The following GC variants were observed in gnomAD, a reference collection of about 807,000 sequenced individuals.
GC encodes vitamin D-binding protein.
Under a neutral mutation model 56.7 loss-of-function variants are expected in GC, and 43 were observed. That is an observed-to-expected ratio of 0.76 (90% CI 0.59 to 0.98). The LOEUF is 0.98. GC is among the 50% of genes least tolerant of loss of function. The probability of loss-of-function intolerance (pLI) is 0.00; values close to 1 mark genes in which losing one functional copy is unlikely to be tolerated. For missense variants in GC, 529 were observed against 545.9 expected, an observed-to-expected ratio of 0.97 and a Z score of 0.31; for synonymous variants, 216 against 202.7, an observed-to-expected ratio of 1.07 and a Z score of -0.56.
chr4:71,793,271 T>C (rs911624644), intron 1 of GC, among the ~76,000 whole-genome samples: 1 of 152,210 alleles, frequency 6.6e-6, no homozygotes, highest in Non-Finnish European at 1.5e-5. Flanking sequence ...ATTTTCACAA[T>C]ATTGATTCTT....
At chr4:71,752,921 G>T (rs1197871000) in intron 10 of GC, among the ~76,000 whole-genome samples, 1 of 152,144 alleles carries the variant, frequency 6.6e-6, no homozygotes, top group Admixed American at 6.5e-5. Flanking sequence ...TTTCAAAATG[G>T]AAGAGTACCT....
intron 1 of GC, among the ~76,000 whole-genome samples, chr4:71,791,417 T>A (rs1420369906): frequency 6.6e-6 from 1 of 152,094 alleles, no homozygotes; most frequent in Non-Finnish European, 1.5e-5. Context: ...TGTTTTTCAG[T>A]GATTATCCTC....
chr4:71,758,877 T>C (rs1741872955), intron 6 of GC, among the ~76,000 whole-genome samples: 1 of 152,190 alleles, frequency 6.6e-6, no homozygotes, highest in Admixed American at 6.5e-5. Context: ...TAGAAATTTT[T>C]CTCATGCAAA....
At chr4:71,768,803 T>C (rs963599117) in intron 2 of GC, among the ~76,000 whole-genome samples, 5 of 152,330 alleles carry the variant, frequency 3.3e-5, no homozygotes, top group African/African-American at 1.2e-4. Flanking sequence ...CACATTAAAA[T>C]ATGAAACCTG....
chr4:71,769,350 T>C lies in GC; in HGVS notation c.109A>G (p.Lys37Glu). 6.2e-7 allele frequency: 1 copy of C among 1,612,322 alleles called. No individual in the cohort carries two copies. Among genetic ancestry groups the C allele is most frequent in the Non-Finnish European group, 8.5e-7 (1 of 1,178,500 alleles). The change falls in exon 2 of 13, where the codon AAG (lysine) becomes GAG (glutamate). Residue 37 changes from lysine to glutamate, a missense_variant. Transcript: ENST00000273951. ...KVCKEFSHLG[K>E]EDFTSLSLVL... ...ACTTACAGAGATGTGAAGTCCTCCTTTCCCAGATGGGAGAATTCCTTGCAG... is the reference window on the plus strand; with the variant it reads ...ACTTACAGAGATGTGAAGTCCTCCTCTCCCAGATGGGAGAATTCCTTGCAG...
At chr4:71,803,718 A>G (rs1306745182) in intron 1 of GC, among the ~76,000 whole-genome samples, 2 of 152,238 alleles carry the variant, frequency 1.3e-5, no homozygotes, top group Admixed American at 1.3e-4. Flanking sequence ...ATGGATATAG[A>G]TGAGAGCTAA....
At chr4:71,799,199 A>G (rs144267697) in intron 1 of GC, among the ~76,000 whole-genome samples, 2 of 152,322 alleles carry the variant, frequency 1.3e-5, no homozygotes, top group Non-Finnish European at 2.9e-5. Context: ...CATTTACTCA[A>G]GAAAATCTAC....
Position 71,758,177 on chromosome 4 carries a change from C to T in GC, c.702-6G>A. On this transcript the variant is annotated splice_region_variant and splice_polypyrimidine_tract_variant and intron_variant, in intron 6 of 12. Coordinates refer to ENST00000273951, the MANE Select transcript of GC (RefSeq NM_000583.4). The stretch of plus-strand genomic sequence containing the variant: ...GGGCTAACTTTATGAGATTGCTAAA[C>T]AGTTAAAAATAAATATGTTAGCTTA... 6.2e-7 allele frequency: 1 copy of T among 1,610,342 alleles called. No individual in the cohort carries two copies. Among genetic ancestry groups the T allele is most frequent in the South Asian group, 1.1e-5 (1 of 90,604 alleles).
chr4:71,756,789 T>C lies in GC; in HGVS notation c.957A>G (p.Gln319=), dbSNP rs1741787908. Residue 319 remains glutamine (Q), a synonymous_variant, in exon 8 of 13, where the codon CAA becomes CAG. Transcript: ENST00000273951. ...ACTCTACATCTGGAAGCTCGGGGAG[T>C]TGGGCAGCTGGCATGAAGTAAGTGC... ...FVCTYFMPAA[Q]LPELPDVELP... 6.2e-7 allele frequency: 1 copy of C among 1,613,876 alleles called. No individual in the cohort carries two copies. Among genetic ancestry groups the C allele is most frequent in the East Asian group, 2.2e-5 (1 of 44,866 alleles).
In GC at chr4:71,768,330, C is replaced by T. The variant is rs1742228840; in HGVS notation, c.232G>A (p.Gly78Arg). The change falls in exon 3 of 13, where the codon GGG becomes AGG. Residue 78 changes from glycine to arginine, a missense_variant. By Grantham distance (125) the Gly-to-Arg change is moderately radical. Coordinates refer to ENST00000273951, the MANE Select transcript of GC (RefSeq NM_000583.4). The part of the protein sequence containing the change: ...VSLTEACCAE[G>R]ADPDCYDTRT... ...GTGTCATAGCAGTCAGGGTCAGCCCCTTCCGCACAGCAGGCTTCGGTCAAG... is the reference window on the plus strand; with the variant it reads ...GTGTCATAGCAGTCAGGGTCAGCCCTTTCCGCACAGCAGGCTTCGGTCAAG... The T allele has an allele frequency of 6.2e-7, 1 of 1,613,160 alleles. No individual in the cohort carries two copies. The highest frequency in any genetic ancestry group is 8.5e-7 in the Non-Finnish European group (1 of 1,179,614).
chr4:71,765,550 G>C lies in GC; in HGVS notation c.355C>G (p.Arg119Gly). Residue 119 changes from arginine (R) to glycine (G), a missense_variant, in exon 4 of 13, where the codon CGA becomes GGA. Coordinates refer to ENST00000273951, the MANE Select transcript of GC (RefSeq NM_000583.4). ...AECCTKEGLE[R>G]KLCMAALKHQ... ...TTCAGAGCAGCCATGCAGAGCTTTC[G>C]TTCCAGGCCCTCTTTGGTGCAGCAC... 1 of 1,613,588 alleles carries C rather than the reference G, an allele frequency of 6.2e-7. No homozygotes were observed. Among genetic ancestry groups the C allele is most frequent in the Non-Finnish European group, 8.5e-7 (1 of 1,179,656 alleles).
intron 1 of GC, among the ~76,000 whole-genome samples, chr4:71,791,720 G>A (rs1302427319): frequency 6.6e-6 from 1 of 151,708 alleles, no homozygotes; most frequent in Non-Finnish European, 1.5e-5. Context: ...ACAATGTGCA[G>A]GTTTGTTACA....
At chr4:71,781,246 G>A (rs1742669247) in intron 1 of GC, among the ~76,000 whole-genome samples, 1 of 151,904 alleles carries the variant, frequency 6.6e-6, no homozygotes, top group Non-Finnish European at 1.5e-5. Flanking sequence ...GGGGTGGGGA[G>A]CAGGGGGAGG....
chr4:71,784,576 A>G (rs1742787243), upstream of GC, among the ~76,000 whole-genome samples: 1 of 151,804 alleles, frequency 6.6e-6, no homozygotes, highest in South Asian at 2.1e-4. Context: ...ATTCAACATA[A>G]TATTTTAAAT....
intron 1 of GC, among the ~76,000 whole-genome samples, chr4:71,799,959 A>G (rs949068041): frequency 2.6e-5 from 4 of 152,202 alleles, no homozygotes; most frequent in Admixed American, 2.6e-4. Context: ...AAGGAGGCCA[A>G]ATTTGATGAT....
At chr4:71,747,711 C>T (rs1481362988) in intron 11 of GC, among the ~76,000 whole-genome samples, 2 of 151,970 alleles carry the variant, frequency 1.3e-5, no homozygotes, top group African/African-American at 2.4e-5. Context: ...TTGCAAGAAT[C>T]TTGGCTGTAA....
At chr4:71,757,601 A>G (rs1176063633) in intron 7 of GC, among the ~76,000 whole-genome samples, 3 of 46,120 alleles carry the variant, frequency 6.5e-5, no homozygotes, top group Non-Finnish European at 3.2e-4. Flanking sequence ...TTTACGCAAT[A>G]ATGAAAATGA....
chr4:71,770,319 C>A (rs943149485), intron 1 of GC, among the ~76,000 whole-genome samples: 2 of 152,132 alleles, frequency 1.3e-5, no homozygotes, highest in African/African-American at 4.8e-5. Flanking sequence ...CCAGTCCCAG[C>A]TCTACCCCCA....
chr4:71,790,871 T>C (rs1378213756), intron 1 of GC, among the ~76,000 whole-genome samples: 1 of 151,932 alleles, frequency 6.6e-6, no homozygotes, highest in Admixed American at 6.6e-5. Flanking sequence ...ACCCATTAAC[T>C]CATCATTTAG....
Sources: allele counts gnomAD v4.1 joint callset (sites outside exome capture counted in the v4.1 genomes callset), GRCh38; gene constraint gnomAD v4.1.1; transcripts MANE v1.5; gene names NCBI Gene and HGNC (gene_info 2026-07-23, HGNC 2026-07-21).